SLIT3: variants seen among roughly 807,000 people sequenced by gnomAD.
SLIT3 encodes slit homolog 3 protein.
SLIT3 carries 68 observed loss-of-function variants against 184.0 expected under a neutral mutation model. That is an observed-to-expected ratio of 0.37 (90% CI 0.30 to 0.45). The LOEUF (loss-of-function observed/expected upper bound fraction) is 0.45. Among genes scored for constraint, SLIT3 ranks in the 20% least tolerant of loss-of-function variants. SLIT3 has a pLI of 1.00. For missense variants in SLIT3, 1,707 were observed against 2,026.0 expected (o/e 0.84, Z 3.02); for synonymous variants, 831 against 828.6 (o/e 1.00, Z -0.05).
Position 168,742,126 on chromosome 5 carries a change from G to A in SLIT3, c.2270+6176C>T, listed in dbSNP as rs576111173. Among the ~76,000 whole-genome samples the A allele has an allele frequency of 1.6e-3, 199 of 121,858 alleles. 5 individuals are homozygous for A. The highest frequency in any genetic ancestry group is 3.7e-3 in the Middle Eastern group (1 of 270). The allele number at this position is 121,858 out of a possible 152,430, so 79.9% of individuals were successfully genotyped here. On this transcript the variant is annotated intron_variant, in intron 20 of 35. Coordinates refer to ENST00000519560, the MANE Select transcript of SLIT3 (RefSeq NM_003062.4). Reference sequence around the variant, plus strand: ...GAAGTCAGGAAAGGCATATGCACTGGGGGAATCACAAGAAGCTACAGGTGT... The same window carrying A: ...GAAGTCAGGAAAGGCATATGCACTGAGGGAATCACAAGAAGCTACAGGTGT...
intron 15 of SLIT3, among the ~76,000 whole-genome samples, chr5:168,761,149 C>T (rs1475650694): frequency 1.3e-5 from 2 of 152,138 alleles, no homozygotes; most frequent in Non-Finnish European, 2.9e-5. Context: ...GAGGAAGCCT[C>T]CTTCGGCTGG....
chr5:168,783,746 C>T (rs538288166), intron 12 of SLIT3, among the ~76,000 whole-genome samples: 1 of 152,272 alleles, frequency 6.6e-6, no homozygotes, highest in Admixed American at 6.5e-5. Flanking sequence ...CGAATCAGGG[C>T]CTGCTTTCCA....
intron 34 of SLIT3, among the ~76,000 whole-genome samples, 180 bp from the exon 35 acceptor site, chr5:168,670,171 C>T (rs1761193378): frequency 6.6e-6 from 1 of 152,220 alleles, no homozygotes; most frequent in Non-Finnish European, 1.5e-5. Context: ...GGCCAACCAG[C>T]CAGAAGCCTG....
chr5:168,751,674 G>A (rs1754716804), intron 18 of SLIT3, among the ~76,000 whole-genome samples: 2 of 151,708 alleles, frequency 1.3e-5, no homozygotes, highest in South Asian at 4.2e-4. Flanking sequence ...TAGGTGCCCA[G>A]AAAGCTGGGT....
At chr5:169,076,766 T>G (rs1046524258) in intron 4 of SLIT3, among the ~76,000 whole-genome samples, 4 of 152,118 alleles carry the variant, frequency 2.6e-5, no homozygotes, top group Non-Finnish European at 5.9e-5. Flanking sequence ...CTTTTTAAAT[T>G]TAAAGACTTG....
intron 4 of SLIT3, among the ~76,000 whole-genome samples, chr5:169,059,454 C>T (rs1758109813): frequency 6.6e-6 from 1 of 152,164 alleles, no homozygotes; most frequent in African/African-American, 2.4e-5. Context: ...TTTATCCAGA[C>T]ATCAAGTCGT....
chr5:168,894,965 A>G (rs1385271735), intron 4 of SLIT3, among the ~76,000 whole-genome samples: 1 of 152,160 alleles, frequency 6.6e-6, no homozygotes, highest in Non-Finnish European at 1.5e-5. Flanking sequence ...GATAATCTAC[A>G]CTGTGATCTG....
intron 4 of SLIT3, among the ~76,000 whole-genome samples, chr5:169,149,088 AG>A (rs753100780): frequency 5.9e-5 from 9 of 152,340 alleles, no homozygotes; most frequent in Non-Finnish European, 8.8e-5. Flanking sequence ...TTTGAAAGCC[AG>A]ATCTCCTTAA....
At chr5:168,995,601 A>G (rs144521364) in intron 4 of SLIT3, 3 of 152,352 alleles carry the variant, frequency 2.0e-5, no homozygotes, top group Admixed American at 1.3e-4. Flanking sequence ...AATCATCAGT[A>G]TCAAGAAGGT....
chr5:168,824,515 C>A (rs898912975), intron 6 of SLIT3, among the ~76,000 whole-genome samples: 6 of 152,160 alleles, frequency 3.9e-5, no homozygotes, highest in Non-Finnish European at 8.8e-5. Context: ...CTAAGGAAGG[C>A]CATCTGCAGA....
chr5:168,728,277 C>A (rs1763196217), intron 20 of SLIT3, among the ~76,000 whole-genome samples: 1 of 140,966 alleles, frequency 7.1e-6, no homozygotes, highest in Admixed American at 7.1e-5. Context: ...TAATCAACAA[C>A]ATATATATAT....
chr5:169,186,388 T>C (rs541133305), intron 4 of SLIT3, among the ~76,000 whole-genome samples: 7 of 152,328 alleles, frequency 4.6e-5, no homozygotes, highest in African/African-American at 1.7e-4. Flanking sequence ...GCCAGCATCT[T>C]GATCTTGGAC....
intron 12 of SLIT3, among the ~76,000 whole-genome samples, chr5:168,778,007 T>A (rs1231016290): frequency 6.6e-6 from 1 of 152,208 alleles, no homozygotes; most frequent in African/African-American, 2.4e-5. Flanking sequence ...AGCAGTTCTA[T>A]AAGGAATCCT....
At chr5:169,261,740 C>G (rs1469971538) in intron 1 of SLIT3, among the ~76,000 whole-genome samples, 2 of 152,184 alleles carry the variant, frequency 1.3e-5, no homozygotes, top group Non-Finnish European at 2.9e-5. Context: ...GTATCAACAC[C>G]TTCCCCTCTC....
At chr5:168,774,948 G>C (rs552944083) in intron 12 of SLIT3, among the ~76,000 whole-genome samples, 2 of 152,062 alleles carry the variant, frequency 1.3e-5, no homozygotes, top group South Asian at 4.2e-4. Context: ...AGAGAGCACA[G>C]AGCCCCATGT....
chr5:168,774,667 C>CCCTA (rs1485617002), intron 12 of SLIT3, among the ~76,000 whole-genome samples: 1 of 152,138 alleles, frequency 6.6e-6, no homozygotes, highest in Non-Finnish European at 1.5e-5. Flanking sequence ...TGAAAAGGCA[C>CCCTA]CCTAAGTGCT....
chr5:168,806,138 T>C (rs1756948468), intron 9 of SLIT3, among the ~76,000 whole-genome samples: 2 of 152,172 alleles, frequency 1.3e-5, no homozygotes, highest in African/African-American at 2.4e-5. Flanking sequence ...AATACTGCCA[T>C]ATGAGACCAG....
chr5:168,679,002 C>T (rs1473273055), intron 32 of SLIT3, among the ~76,000 whole-genome samples: 9 of 152,182 alleles, frequency 5.9e-5, no homozygotes, highest in Non-Finnish European at 2.9e-5. Flanking sequence ...ACGCATCCTG[C>T]CTGGAACTGG....
chr5:168,863,931 T>C (rs980094239), intron 5 of SLIT3, among the ~76,000 whole-genome samples: 1 of 151,810 alleles, frequency 6.6e-6, no homozygotes, highest in African/African-American at 2.4e-5. Flanking sequence ...TATAAAAGCA[T>C]GTGTGGGCCA....
Sources: gnomAD v4.1 joint callset for allele counts (sites outside exome capture counted in the v4.1 genomes callset) on GRCh38, gnomAD v4.1.1 for gene constraint, MANE v1.5 for transcripts, NCBI Gene and HGNC (gene_info 2026-07-23, HGNC 2026-07-21) for gene names.